The following LMCD1 variants were observed in gnomAD, a reference collection of about 807,000 sequenced individuals.
The protein encoded by LMCD1 is LIM and cysteine-rich domains protein 1.
A neutral mutation model predicts 42.7 loss-of-function variants in LMCD1; 32 were observed. That is an observed-to-expected ratio of 0.75 (90% CI 0.57 to 1.01). LMCD1 has a LOEUF of 1.01. Ranked by LOEUF, LMCD1 falls within the 50% of genes least tolerant of loss-of-function variation. The pLI is 0.00. For missense variants in LMCD1, 458 were observed against 483.1 expected, an observed-to-expected ratio of 0.95 and a Z score of 0.49; for synonymous variants, 178 against 184.9, an observed-to-expected ratio of 0.96 and a Z score of 0.30.
intron 5 of LMCD1, 42 bp from the exon 6 acceptor site, chr3:8,567,398 G>T (rs552316334): frequency 7.5e-6 from 12 of 1,602,504 alleles, no homozygotes; most frequent in Non-Finnish European, 9.4e-6. Flanking sequence ...TCTACCTAGG[G>T]ACAGAAACTG....
At chr3:8,562,328 G>T (rs1380034631) in intron 4 of LMCD1, among the ~76,000 whole-genome samples, 4 of 152,158 alleles carry the variant, frequency 2.6e-5, no homozygotes, top group African/African-American at 4.8e-5. Context: ...TAGCCATTGG[G>T]CATGCTGCTC....
intron 3 of LMCD1, among the ~76,000 whole-genome samples, chr3:8,544,986 G>A (rs531452582): frequency 1.6e-4 from 25 of 152,190 alleles, no homozygotes; most frequent in African/African-American, 5.1e-4. Context: ...TAAGAATTAC[G>A]TTCAATAAAA....
chr3:8,502,561 T>C (rs1035006542), intron 1 of LMCD1, among the ~76,000 whole-genome samples: 1 of 112,080 alleles, frequency 8.9e-6, no homozygotes, highest in Non-Finnish European at 1.8e-5. Context: ...TTTGTGTGTT[T>C]CCCCCAATAC....
intron 3 of LMCD1, among the ~76,000 whole-genome samples, chr3:8,548,166 C>T (rs1354408858): frequency 6.6e-6 from 1 of 152,150 alleles, no homozygotes; most frequent in Non-Finnish European, 1.5e-5. Context: ...ATGTAGCACA[C>T]GATCATACAG....
chr3:8,509,723 G>A (rs1213688817), intron 1 of LMCD1, among the ~76,000 whole-genome samples: 1 of 152,090 alleles, frequency 6.6e-6, no homozygotes, highest in African/African-American at 2.4e-5. Flanking sequence ...ACCACCCTCA[G>A]ATTTTCCAGG....
rs376703958 is a variant in LMCD1 at position 8,567,862 on chromosome 3, T to G, written c.*264T>G. The G allele has an allele frequency of 7.7e-6, 2 of 259,166 alleles. No individual in the cohort carries two copies. Among genetic ancestry groups the G allele is most frequent in the East Asian group, 1.4e-4 (2 of 14,020 alleles). 16.1% of individuals were successfully genotyped at this position (259,166 alleles called of 1,614,324 possible). On this transcript the variant is annotated 3_prime_UTR_variant, in exon 6 of 6. Transcript: ENST00000157600. Reference sequence around the variant, plus strand: ...AGTTCCTTTTCTTTCTGTTGTTGTTTCCCAGCTACAACCAACTAAAGACAC... The same window carrying G: ...AGTTCCTTTTCTTTCTGTTGTTGTTGCCCAGCTACAACCAACTAAAGACAC...
Position 8,565,556 on chromosome 3 carries a change from T to C in LMCD1, c.848T>C (p.Val283Ala). Residue 283 changes from valine to alanine, a missense_variant, in exon 5 of 6, where the codon GTG becomes GCG. Transcript: ENST00000157600. ...TGTGCCAAGTGCTCCGAGCCGCTGG[T>C]GGACCTCATCTACTTCTGGAAGGAT... ...FVCAKCSEPL[V>A]DLIYFWKDGA... is the part of the protein sequence containing the mutation. 6.2e-7 allele frequency: 1 copy of C among 1,614,156 alleles called. No individual in the cohort carries two copies. The highest frequency in any genetic ancestry group is 8.5e-7 in the Non-Finnish European group (1 of 1,180,014).
At chr3:8,507,078 A>G (rs1693898155) in intron 1 of LMCD1, among the ~76,000 whole-genome samples, 3 of 152,254 alleles carry the variant, frequency 2.0e-5, no homozygotes, top group Non-Finnish European at 2.9e-5. Flanking sequence ...GGATTTGGCC[A>G]GCAGCTGCTA....
In LMCD1 at chr3:8,537,397, C is replaced by A. The variant is rs772726209; in HGVS notation, c.344C>A (p.Thr115Asn). Residue 115 changes from threonine to asparagine, a missense_variant, in exon 3 of 6, where the codon ACC (threonine) becomes AAC (asparagine). Thr to Asn is a moderately conservative substitution (Grantham distance 65). Transcript: ENST00000157600. ...ACTGGGAAAGATCCCACTTTTGACACCATCACCTACGAGTGGGCTCCCCCT... is the reference window on the plus strand; with the variant it reads ...ACTGGGAAAGATCCCACTTTTGACAACATCACCTACGAGTGGGCTCCCCCT... ...IATGKDPTFD[T>N]ITYEWAPPGV... 6.2e-7 allele frequency: 1 copy of A among 1,608,874 alleles called. No homozygotes were observed. Among genetic ancestry groups the A allele is most frequent in the Non-Finnish European group, 8.5e-7 (1 of 1,175,838 alleles).
At chr3:8,509,420 A>G (rs1339207058) in intron 1 of LMCD1, among the ~76,000 whole-genome samples, 1 of 152,086 alleles carries the variant, frequency 6.6e-6, no homozygotes, top group Non-Finnish European at 1.5e-5. Flanking sequence ...CCCCTGCTCC[A>G]TTACCAGTCT....
At chr3:8,543,408 TA>T (rs1298460920) in intron 3 of LMCD1, among the ~76,000 whole-genome samples, 8 of 142,594 alleles carry the variant, frequency 5.6e-5, no homozygotes, top group Non-Finnish European at 7.8e-5. Context: ...GATAGATAGA[TA>T]GATAGATAGA....
At chr3:8,536,913 G>C (rs1694516235) in intron 2 of LMCD1, among the ~76,000 whole-genome samples, 1 of 152,038 alleles carries the variant, frequency 6.6e-6, no homozygotes, top group Admixed American at 6.5e-5. Flanking sequence ...CCTTTGCCGT[G>C]GCAACCACCA....
At chr3:8,504,985 T>C (rs1574942782) in intron 1 of LMCD1, among the ~76,000 whole-genome samples, 1 of 152,226 alleles carries the variant, frequency 6.6e-6, no homozygotes, top group East Asian at 1.9e-4. Flanking sequence ...TGAGTCAGTA[T>C]CCTCACCTCA....
rs925641549 is a variant in LMCD1 at position 8,571,983 on chromosome 3, A to G, written c.*4385A>G. On this transcript the variant is annotated 3_prime_UTR_variant, in exon 6 of 6. Transcript: ENST00000157600. ...AACGCTGATGTGTTTCTACCATGTA[A>G]TCCTCAGATCCAATTCAAGTGTCAC... The G allele has an allele frequency of 6.6e-6, 1 of 152,218 alleles. No homozygotes were observed. Among genetic ancestry groups the G allele is most frequent in the Non-Finnish European group, 1.5e-5 (1 of 68,040 alleles). 9.4% of individuals were successfully genotyped at this position (152,218 alleles called of 1,614,324 possible).
rs970262362 is a variant in LMCD1 at position 8,565,661 on chromosome 3, G to A, written c.939+14G>A. The stretch of plus-strand genomic sequence containing the variant: ...GGCTGCGATGAGGTGGGAGATAGCC[G>A]CGAGATGGGTTAGGGGGCTTGAGGG... On this transcript the variant is annotated intron_variant, in intron 5 of 5. Transcript: ENST00000157600. 1.3e-5 allele frequency: 20 copies of A among 1,575,008 alleles called. No homozygotes were observed. The highest frequency in any genetic ancestry group is 2.2e-4 in the Middle Eastern group (1 of 4,574).
chr3:8,522,098 G>A (rs569129228), intron 1 of LMCD1, among the ~76,000 whole-genome samples: 1 of 152,268 alleles, frequency 6.6e-6, no homozygotes, highest in South Asian at 2.1e-4. Context: ...GAGATGGGTT[G>A]GGGGGAGGCA....
At chr3:8,554,104 G>A (rs1227979503) in intron 4 of LMCD1, among the ~76,000 whole-genome samples, 1 of 152,080 alleles carries the variant, frequency 6.6e-6, no homozygotes, top group Non-Finnish European at 1.5e-5. Flanking sequence ...GAGTGCCGTG[G>A]CAGGATCATA....
chr3:8,530,727 A>G (rs1291030042), intron 1 of LMCD1, among the ~76,000 whole-genome samples: 1 of 152,244 alleles, frequency 6.6e-6, no homozygotes, highest in African/African-American at 2.4e-5. Context: ...CTGCATTTCA[A>G]CTAGGAGAAC....
chr3:8,549,045 T>G, intron 4 of LMCD1, 142 bp downstream of exon 4: 1 of 623,094 alleles, frequency 1.6e-6, no homozygotes, highest in Non-Finnish European at 2.7e-6. Flanking sequence ...GATTGCTCAT[T>G]TAGTCTGTGC....
Sources: allele counts gnomAD v4.1 joint callset (sites outside exome capture counted in the v4.1 genomes callset), GRCh38; gene constraint gnomAD v4.1.1; transcripts MANE v1.5; gene names NCBI Gene and HGNC (gene_info 2026-07-23, HGNC 2026-07-21).